GPAM: variants seen among roughly 807,000 people sequenced by gnomAD.
GPAM encodes glycerol-3-phosphate acyltransferase 1, mitochondrial.
In GPAM, 56 loss-of-function variants were observed where a neutral mutation model predicts 105.0. The observed-to-expected ratio is 0.53, with a 90% CI of 0.43 to 0.67. The LOEUF is 0.67. GPAM is among the 30% of genes least tolerant of loss of function. The pLI is 0.00. For synonymous variants in GPAM, 368 were observed against 354.4 expected, an observed-to-expected ratio of 1.04 and a Z score of -0.43; for missense variants, 855 against 989.8, an observed-to-expected ratio of 0.86 and a Z score of 1.83.
intron 14 of GPAM, among the ~76,000 whole-genome samples, chr10:112,163,342 A>C (rs1242097488): frequency 6.6e-6 from 1 of 152,236 alleles, no homozygotes; most frequent in Non-Finnish European, 1.5e-5. Context: ...CATGGGGTCA[A>C]AGGAGAAATG....
rs1847096696 is a variant in GPAM, at chr10:112,160,125, A to G, written c.1760-72T>C. On this transcript the variant is annotated intron_variant, in intron 16 of 21. Coordinates refer to ENST00000348367, the MANE Select transcript of GPAM (RefSeq NM_001244949.2). Reference sequence around the variant, plus strand: ...AGAAAAACTTCAACTGGCTTGAATAACCTTAAGAGATTATTAATACATCAA... The same window carrying G: ...AGAAAAACTTCAACTGGCTTGAATAGCCTTAAGAGATTATTAATACATCAA... 4 of 1,406,046 alleles carry G rather than the reference A, an allele frequency of 2.8e-6. No homozygotes were observed. The Admixed American group carries it at 6.8e-5, about 24-fold the overall frequency. 87.1% of individuals were successfully genotyped at this position (1,406,046 alleles called of 1,614,324 possible).
chr10:112,156,252 T>A (rs1020049711), intron 19 of GPAM, 199 bp from the exon 20 acceptor site: 14 of 603,984 alleles, frequency 2.3e-5, no homozygotes, highest in Non-Finnish European at 4.1e-5. Flanking sequence ...ACATTCTTTA[T>A]TGTAATCATT....
chr10:112,153,648 G>C lies in GPAM; in HGVS notation c.2389C>G (p.Gln797Glu). The C allele has an allele frequency of 6.2e-7, 1 of 1,609,784 alleles. No individual in the cohort carries two copies. The highest frequency in any genetic ancestry group is 8.5e-7 in the Non-Finnish European group (1 of 1,176,408). The part of the protein sequence containing the change: ...KDIGVFKETK[Q>E]KRVSVLELSS... Reference sequence around the variant, plus strand: ...AGTTCTAAAACAGACACTCTCTTTTGTTTGGTCTCCTTGAAAACCTAAAGA... The same window carrying C: ...AGTTCTAAAACAGACACTCTCTTTTCTTTGGTCTCCTTGAAAACCTAAAGA... Residue 797 changes from glutamine (Q) to glutamate (E), a missense_variant, in exon 22 of 22, where the codon CAA becomes GAA. Physicochemically the swap from Gln to Glu is conservative, Grantham distance 29 (BLOSUM62 2). Transcript: ENST00000348367.
At chr10:112,199,089 A>ATGTGTG (rs34627276) in intron 1 of GPAM, among the ~76,000 whole-genome samples, 6,625 of 134,862 alleles carry the variant, frequency 0.049, 184 homozygotes, top group Non-Finnish European at 0.047. Flanking sequence ...CGCCTGGCTA[A>ATGTGTG]TGTGTGTGTG....
Position 112,154,358 on chromosome 10 carries a change from C to G in GPAM, c.2370+271G>C, listed in dbSNP as rs141606793. On this transcript the variant is annotated intron_variant, in intron 21 of 21. Transcript: ENST00000348367. ...ATATTCAACCTGTAGCACCTTGAAA[C>G]ATATTGATACCAGTTATATATAGCA... is the stretch of plus-strand genomic sequence containing the variant. The G allele has an allele frequency of 4.4e-3, 2,208 of 506,516 alleles. 6 individuals carry two copies. Among genetic ancestry groups the G allele is most frequent in the Admixed American group, 7.0e-3 (200 of 28,576 alleles). 31.4% of individuals were successfully genotyped at this position (506,516 alleles called of 1,614,324 possible).
At chr10:112,208,591 A>G (rs1185902456) in intron 1 of GPAM, among the ~76,000 whole-genome samples, 1 of 152,204 alleles carries the variant, frequency 6.6e-6, no homozygotes, top group Non-Finnish European at 1.5e-5. Context: ...ATCAAAAACT[A>G]AGAAGGATAT....
rs766173915 is a variant in GPAM at position 112,155,960 on chromosome 10, C to A, written c.2215G>T (p.Val739Phe). Residue 739 changes from valine to phenylalanine, a missense_variant, in exon 20 of 22, where the codon GTT becomes TTT. By Grantham distance (50) the Val-to-Phe change is conservative. Transcript: ENST00000348367. The part of the protein sequence containing the change: ...LEAYSSAAIF[V>F]HNFSGPVPEP... The stretch of plus-strand genomic sequence containing the variant: ...GGAACAGGACCACTGAAGTTGTGAA[C>A]AAAGATGGCAGCAGAGCTGTAGGCC... The A allele has an allele frequency of 6.2e-7, 1 of 1,612,126 alleles. No individual in the cohort carries two copies. Among genetic ancestry groups the A allele is most frequent in the Non-Finnish European group, 8.5e-7 (1 of 1,178,394 alleles).
chr10:112,169,087 A>T (rs1434696087), intron 9 of GPAM, 135 bp from the exon 10 acceptor site: 1 of 656,032 alleles, frequency 1.5e-6, no homozygotes, highest in Non-Finnish European at 2.7e-6. Flanking sequence ...GTAAAAATGC[A>T]GGCATTTTTT....
chr10:112,170,926 T>G (rs1262360970), intron 9 of GPAM, among the ~76,000 whole-genome samples: 1 of 152,178 alleles, frequency 6.6e-6, no homozygotes, highest in African/African-American at 2.4e-5. Flanking sequence ...TCTGAAAGCC[T>G]ATAGAACTCT....
intron 1 of GPAM, among the ~76,000 whole-genome samples, chr10:112,210,091 G>T (rs895958249): frequency 6.6e-6 from 1 of 152,222 alleles, no homozygotes; most frequent in Non-Finnish European, 1.5e-5. Flanking sequence ...TACGTCTGAC[G>T]TGCTGTGGCA....
intron 1 of GPAM, among the ~76,000 whole-genome samples, chr10:112,191,946 C>A (rs1018634047): frequency 1.3e-5 from 2 of 152,256 alleles, no homozygotes; most frequent in East Asian, 3.9e-4. Context: ...ACCTTAGAAA[C>A]CGCAGCGAAG....
intron 1 of GPAM, among the ~76,000 whole-genome samples, chr10:112,198,891 G>A (rs979087043): frequency 6.6e-6 from 1 of 151,922 alleles, no homozygotes; most frequent in Admixed American, 6.5e-5. Flanking sequence ...GATAAACCTA[G>A]AGGACATTAT....
At chr10:112,199,952 A>G (rs1166700588) in intron 1 of GPAM, among the ~76,000 whole-genome samples, 1 of 152,024 alleles carries the variant, frequency 6.6e-6, no homozygotes, top group East Asian at 1.9e-4. Flanking sequence ...GCCAAACCAT[A>G]TAAGTATACA....
rs2133218459 is a variant in GPAM at position 112,151,873 on chromosome 10, A to G, written c.*1677T>C. On this transcript the variant is annotated 3_prime_UTR_variant, in exon 22 of 22. Transcript: ENST00000348367. The stretch of plus-strand genomic sequence containing the variant: ...CAGTAAAATGGAATGCTAAAACATG[A>G]TATCTCATTCAACATCAGAGCTACT... 34 of 984,080 alleles carry G rather than the reference A, an allele frequency of 3.5e-5. No individual in the cohort carries two copies. Among genetic ancestry groups the G allele is most frequent in the South Asian group, 4.7e-5 (1 of 21,264 alleles). 61.0% of individuals were successfully genotyped at this position (984,080 alleles called of 1,614,324 possible).
intron 1 of GPAM, among the ~76,000 whole-genome samples, chr10:112,207,313 A>G (rs1029616911): frequency 6.6e-6 from 1 of 152,198 alleles, no homozygotes; most frequent in African/African-American, 2.4e-5. Flanking sequence ...AACCTAACAC[A>G]TTCTACAGAT....
At position 112,158,364 on chromosome 10, in the gene GPAM, A is replaced by T; in HGVS notation, c.1932T>A (p.His644Gln). The T allele has an allele frequency of 6.2e-7, 1 of 1,605,916 alleles. No individual in the cohort carries two copies. The highest frequency in any genetic ancestry group is 1.1e-5 in the South Asian group (1 of 90,942). Residue 644 changes from histidine (H) to glutamine (Q), a missense_variant, in exon 18 of 22, where the codon CAT becomes CAA. Physicochemically the swap from His to Gln is conservative, Grantham distance 24 (BLOSUM62 0). Coordinates refer to ENST00000348367, the MANE Select transcript of GPAM (RefSeq NM_001244949.2). ...LPCQTFYQVC[H>Q]ETVGKFIQYG... ...ACTGGATAAACTTTCCTACTGTTTC[A>T]TGGCAGACTTGGTAAAATGTCTGGC...
At chr10:112,157,912 C>A (rs1847046192) in intron 18 of GPAM, among the ~76,000 whole-genome samples, 1 of 152,202 alleles carries the variant, frequency 6.6e-6, no homozygotes, top group Non-Finnish European at 1.5e-5. Context: ...TACATCTGAA[C>A]ATGACTATAT....
rs1284162170 is a variant in GPAM, at chr10:112,151,597, A to C, written c.*1953T>G. ...ACCAACCAAAAGGGAAAATAATGCA[A>C]GAGAAGCCGTATTTTCTTTGCTTAG... On this transcript the variant is annotated 3_prime_UTR_variant, in exon 22 of 22. Transcript: ENST00000348367. 24 of 985,650 alleles carry C rather than the reference A, an allele frequency of 2.4e-5. No individual in the cohort carries two copies. In the Admixed American group the frequency reaches 1.4e-3, roughly 58 times the overall value. 61.1% of individuals were successfully genotyped at this position (985,650 alleles called of 1,614,324 possible).
At chr10:112,159,867 G>T in intron 17 of GPAM, 44 bp downstream of exon 17, 1 of 1,596,426 alleles carries the variant, frequency 6.3e-7, no homozygotes, top group Non-Finnish European at 8.6e-7. Context: ...TCATGAAAAC[G>T]CTCAAGAAAA....
Sources: allele counts gnomAD v4.1 joint callset (sites outside exome capture counted in the v4.1 genomes callset), GRCh38; gene constraint gnomAD v4.1.1; transcripts MANE v1.5; gene names NCBI Gene and HGNC (gene_info 2026-07-23, HGNC 2026-07-21).